The following PLPPR1 variants were observed in gnomAD, a reference collection of about 807,000 sequenced individuals.
PLPPR1 encodes phospholipid phosphatase-related protein type 1.
Under a neutral mutation model 33.1 loss-of-function variants are expected in PLPPR1, and 10 were observed. The ratio of observed to expected loss-of-function variants is 0.30; its 90% CI spans 0.19 to 0.51. The LOEUF is 0.51. PLPPR1 is among the 20% of genes least tolerant of loss of function. The pLI, the probability that PLPPR1 is intolerant of heterozygous loss-of-function variation, is 0.97. For synonymous variants in PLPPR1, 151 were observed against 151.0 expected, an observed-to-expected ratio of 1.00 and a Z score of 0.00; for missense variants, 304 against 408.1, an observed-to-expected ratio of 0.74 and a Z score of 2.20.
chr9:101,091,954 C>T (rs1022143478), intron 1 of PLPPR1, among the ~76,000 whole-genome samples: 1 of 151,632 alleles, frequency 6.6e-6, no homozygotes. Context: ...ATTCGAAACG[C>T]CTCCTTCCCT....
chr9:101,192,424 C>T (rs1826312109), intron 2 of PLPPR1, among the ~76,000 whole-genome samples: 1 of 152,082 alleles, frequency 6.6e-6, no homozygotes, highest in Non-Finnish European at 1.5e-5. Context: ...GAGTTTGAGT[C>T]CTGGCTCTGC....
intron 1 of PLPPR1, among the ~76,000 whole-genome samples, chr9:101,153,013 G>T (rs1348738208): frequency 1.3e-5 from 2 of 152,182 alleles, no homozygotes; most frequent in South Asian, 2.1e-4. Flanking sequence ...TCACGATATT[G>T]ATTCTTCCTA....
chr9:101,255,226 T>A (rs1827778001), intron 2 of PLPPR1, among the ~76,000 whole-genome samples: 1 of 152,146 alleles, frequency 6.6e-6, no homozygotes. Flanking sequence ...GAGTTTGATT[T>A]GTTGTGCAGT....
At chr9:101,265,607 A>T (rs1827975748) in intron 2 of PLPPR1, among the ~76,000 whole-genome samples, 1 of 152,256 alleles carries the variant, frequency 6.6e-6, no homozygotes, top group South Asian at 2.1e-4. Flanking sequence ...GTGTGGCATC[A>T]TCAGTGCAGT....
At chr9:101,071,605 G>GGAGAGAGAGAGAGAGAGAGAGA (rs3080736) in intron 1 of PLPPR1, among the ~76,000 whole-genome samples, 64 of 149,010 alleles carry the variant, frequency 4.3e-4, no homozygotes, top group African/African-American at 1.6e-3. Context: ...GGAGTGAGAA[G>GGAGAGAGAGAGAGAGAGAGAGA]GAGAGAGAGA....
chr9:101,119,147 C>G (rs975849364), intron 1 of PLPPR1, among the ~76,000 whole-genome samples: 1 of 152,154 alleles, frequency 6.6e-6, no homozygotes, highest in Non-Finnish European at 1.5e-5. Context: ...TTCTCCCCAG[C>G]CTTACCATGT....
intron 1 of PLPPR1, among the ~76,000 whole-genome samples, chr9:101,096,170 T>C (rs1248918702): frequency 1.3e-5 from 2 of 152,162 alleles, no homozygotes; most frequent in Admixed American, 6.6e-5. Flanking sequence ...CAAAAAGTGA[T>C]GAGGCAATGG....
intron 1 of PLPPR1, among the ~76,000 whole-genome samples, chr9:101,041,507 C>A (rs1830078044): frequency 6.6e-6 from 1 of 152,136 alleles, no homozygotes; most frequent in Non-Finnish European, 1.5e-5. Flanking sequence ...ATTGAGGAAA[C>A]ACAAATTTCT....
At chr9:101,224,307 T>C (rs112151809) in intron 2 of PLPPR1, among the ~76,000 whole-genome samples, 9 of 152,200 alleles carry the variant, frequency 5.9e-5, no homozygotes, top group Non-Finnish European at 7.3e-5. Flanking sequence ...CAGGATCATA[T>C]CCAAAAGATA....
intron 1 of PLPPR1, among the ~76,000 whole-genome samples, chr9:101,070,105 C>T (rs182242317): frequency 6.6e-6 from 1 of 152,026 alleles, no homozygotes; most frequent in African/African-American, 2.4e-5. Flanking sequence ...GTCCCTACCC[C>T]CTTCCGTACT....
chr9:101,254,034 T>C (rs534686111), intron 2 of PLPPR1, among the ~76,000 whole-genome samples: 2 of 152,166 alleles, frequency 1.3e-5, no homozygotes, highest in African/African-American at 4.8e-5. Flanking sequence ...GAGTAGAAAA[T>C]CTAGACCAGC....
intron 4 of PLPPR1, among the ~76,000 whole-genome samples, chr9:101,304,507 G>C (rs1197283792): frequency 2.0e-5 from 3 of 152,152 alleles, no homozygotes; most frequent in Admixed American, 6.5e-5. Context: ...GGAAATTATT[G>C]AATAATCTAT....
At chr9:101,033,113 A>G (rs979824317) in intron 1 of PLPPR1, among the ~76,000 whole-genome samples, 6 of 152,214 alleles carry the variant, frequency 3.9e-5, no homozygotes, top group Non-Finnish European at 5.9e-5. Flanking sequence ...CCAGCCATCA[A>G]CACTGCAGAC....
At chr9:101,292,195 T>C (rs1031703695) in intron 4 of PLPPR1, among the ~76,000 whole-genome samples, 1 of 151,624 alleles carries the variant, frequency 6.6e-6, no homozygotes, top group African/African-American at 2.4e-5. Flanking sequence ...GTATCAGCAA[T>C]GGAAAATGAA....
chr9:101,124,546 A>G (rs1246160088), intron 1 of PLPPR1, among the ~76,000 whole-genome samples: 1 of 152,194 alleles, frequency 6.6e-6, no homozygotes, highest in Non-Finnish European at 1.5e-5. Context: ...CCATATTAGT[A>G]AATCTAATGA....
chr9:101,294,221 C>A (rs1277657221), intron 4 of PLPPR1, among the ~76,000 whole-genome samples: 1 of 150,220 alleles, frequency 6.7e-6, no homozygotes, highest in Non-Finnish European at 1.5e-5. Context: ...ATAAATTCCT[C>A]GACACATACA....
intron 5 of PLPPR1, among the ~76,000 whole-genome samples, chr9:101,311,768 G>T (rs1047837439): frequency 1.3e-5 from 2 of 152,072 alleles, no homozygotes. Context: ...ACTTATATGT[G>T]CTCAGGCCAT....
At chr9:101,321,065 T>C (rs1343065608) in intron 7 of PLPPR1, among the ~76,000 whole-genome samples, 1 of 152,230 alleles carries the variant, frequency 6.6e-6, no homozygotes, top group Non-Finnish European at 1.5e-5. Flanking sequence ...GAACTTCCCT[T>C]GCAACTCCAA....
At chr9:101,260,674 G>A (rs1421504062) in intron 2 of PLPPR1, among the ~76,000 whole-genome samples, 2 of 152,094 alleles carry the variant, frequency 1.3e-5, no homozygotes, top group African/African-American at 2.4e-5. Flanking sequence ...TGTGGCATTT[G>A]GAGTACCTAT....
Sources: allele counts gnomAD v4.1 joint callset (sites outside exome capture counted in the v4.1 genomes callset), GRCh38; gene constraint gnomAD v4.1.1; transcripts MANE v1.5; gene names NCBI Gene and HGNC (gene_info 2026-07-23, HGNC 2026-07-21).